XKR9: variants seen among roughly 807,000 people sequenced by gnomAD.
XKR9 encodes the protein XK-related protein 9.
XKR9 carries 32 observed loss-of-function variants against 32.0 expected under a neutral mutation model. The ratio of observed to expected loss-of-function variants is 1.00; its 90% CI spans 0.76 to 1.34. The LOEUF is 1.34. XKR9 is among the 40% of genes most tolerant of loss of function. The pLI is 0.00. For missense variants in XKR9, 546 were observed against 429.7 expected (o/e 1.27, Z -2.39); for synonymous variants, 168 against 143.4 (o/e 1.17, Z -1.22).
the XKR9 span, among the ~76,000 whole-genome samples, chr8:70,950,792 G>T: frequency 3.1e-4 from 47 of 152,076 alleles, 1 homozygote; most frequent in Non-Finnish European, 5.1e-4. Context: ...TGCTGCCTCA[G>T]CCTCCCAAGT....
At chr8:70,821,862 G>C in the XKR9 span, among the ~76,000 whole-genome samples, 2 of 152,270 alleles carry the variant, frequency 1.3e-5, no homozygotes, top group East Asian at 3.9e-4. Flanking sequence ...GATGGGAGGG[G>C]CTGCCGTGAA....
chr8:70,808,508 C>T, the XKR9 span, among the ~76,000 whole-genome samples: 2 of 152,048 alleles, frequency 1.3e-5, no homozygotes, highest in African/African-American at 2.4e-5. Context: ...CATTGCCTCA[C>T]CCAGGAAGCA....
the XKR9 span, among the ~76,000 whole-genome samples, chr8:71,004,056 C>A: frequency 1.3e-5 from 2 of 150,420 alleles, no homozygotes; most frequent in Non-Finnish European, 3.0e-5. Context: ...CATAAATGAG[C>A]ATGGCCCTCG....
At chr8:70,818,127 A>G in the XKR9 span, among the ~76,000 whole-genome samples, 4 of 152,162 alleles carry the variant, frequency 2.6e-5, no homozygotes, top group South Asian at 8.3e-4. Flanking sequence ...GTTAAACTGA[A>G]GGGCTTCTGC....
the XKR9 span, among the ~76,000 whole-genome samples, chr8:70,915,440 C>G: frequency 6.6e-6 from 1 of 152,054 alleles, no homozygotes; most frequent in African/African-American, 2.4e-5. Flanking sequence ...AAGTCTATGT[C>G]CAGGAATTAA....
the XKR9 span, among the ~76,000 whole-genome samples, chr8:70,951,633 T>C: frequency 6.6e-6 from 1 of 151,842 alleles, no homozygotes; most frequent in African/African-American, 2.4e-5. Context: ...GAGAGAGGAG[T>C]ACCATTAAAA....
At chr8:70,889,601 GT>G in the XKR9 span, among the ~76,000 whole-genome samples, 1 of 151,638 alleles carries the variant, frequency 6.6e-6, no homozygotes, top group African/African-American at 2.4e-5. Flanking sequence ...CCATCTTTAT[GT>G]CCATGAGTAC....
At chr8:70,863,676 G>T in the XKR9 span, among the ~76,000 whole-genome samples, 1 of 152,088 alleles carries the variant, frequency 6.6e-6, no homozygotes, top group South Asian at 2.1e-4. Flanking sequence ...AATTTGGAGA[G>T]ATCAGTTAGG....
chr8:70,682,006 T>C (rs1819099212), intron 3 of XKR9, among the ~76,000 whole-genome samples: 1 of 152,152 alleles, frequency 6.6e-6, no homozygotes, highest in Non-Finnish European at 1.5e-5. Flanking sequence ...ATAACGCCAT[T>C]GTATTTATGT....
At chr8:71,000,313 A>C in the XKR9 span, among the ~76,000 whole-genome samples, 1 of 152,194 alleles carries the variant, frequency 6.6e-6, no homozygotes, top group African/African-American at 2.4e-5. Context: ...AGACATTAAT[A>C]GTCTTCAAAA....
the XKR9 span, among the ~76,000 whole-genome samples, chr8:70,870,470 A>G: frequency 5.5e-4 from 84 of 152,298 alleles, no homozygotes; most frequent in Middle Eastern, 3.4e-3. Flanking sequence ...AGCCTATTCT[A>G]TTGGTGGGAC....
At chr8:70,855,869 G>A in the XKR9 span, among the ~76,000 whole-genome samples, 1 of 152,144 alleles carries the variant, frequency 6.6e-6, no homozygotes, top group Non-Finnish European at 1.5e-5. Flanking sequence ...TTCATATCCA[G>A]CCAAACCAAG....
chr8:71,016,797 A>T, the XKR9 span, among the ~76,000 whole-genome samples: 3 of 152,058 alleles, frequency 2.0e-5, no homozygotes, highest in Non-Finnish European at 4.4e-5. Context: ...GAAAGGTTGA[A>T]GTACATATCT....
the XKR9 span, among the ~76,000 whole-genome samples, chr8:70,857,912 A>G: frequency 6.6e-6 from 1 of 152,222 alleles, no homozygotes; most frequent in African/African-American, 2.4e-5. Context: ...ACAAAATTCA[A>G]CAATGCTTCA....
the XKR9 span, among the ~76,000 whole-genome samples, chr8:70,989,902 C>T: frequency 1.3e-5 from 2 of 152,170 alleles, no homozygotes; most frequent in African/African-American, 2.4e-5. Context: ...AATCTGCCTA[C>T]TGTAGAGATT....
rs1435305195 is a variant in XKR9 at position 70,734,158 on chromosome 8, C to T, written c.856C>T (p.Pro286Ser). ...FNIKGQNTKC[P>S]MSCYYIVRVL... ...TATTAAGGGACAGAATACCAAGTGT[C>T]CAATGTCTTGTTATTATATTGTTAG... Residue 286 changes from proline to serine, a missense_variant, in exon 5 of 5, where the codon CCA becomes TCA. Coordinates refer to ENST00000408926, the MANE Select transcript of XKR9 (RefSeq NM_001011720.2). 2 of 1,612,552 alleles carry T rather than the reference C, an allele frequency of 1.2e-6. No individual in the cohort carries two copies. The highest frequency in any genetic ancestry group is 1.7e-6 in the Non-Finnish European group (2 of 1,179,028).
At chr8:70,728,128 C>T (rs1806538131) in intron 4 of XKR9, among the ~76,000 whole-genome samples, 1 of 152,106 alleles carries the variant, frequency 6.6e-6, no homozygotes, top group Admixed American at 6.5e-5. Flanking sequence ...GTTAGATCAA[C>T]CTATGCCCAG....
At chr8:70,995,341 C>T in the XKR9 span, among the ~76,000 whole-genome samples, 1 of 152,130 alleles carries the variant, frequency 6.6e-6, no homozygotes, top group Admixed American at 6.5e-5. Flanking sequence ...TCACTACAGC[C>T]ATTACTATAG....
At chr8:71,047,834 A>C in the XKR9 span, among the ~76,000 whole-genome samples, 1 of 152,214 alleles carries the variant, frequency 6.6e-6, no homozygotes, top group Admixed American at 6.5e-5. Context: ...TTGTATGCGG[A>C]AATCTACTCA....
Sources: allele counts gnomAD v4.1 joint callset (sites outside exome capture counted in the v4.1 genomes callset), GRCh38; gene constraint gnomAD v4.1.1; transcripts MANE v1.5; gene names NCBI Gene and HGNC (gene_info 2026-07-23, HGNC 2026-07-21).